The following AOX1 variants were observed in gnomAD, a reference collection of about 807,000 sequenced individuals.
AOX1 encodes the protein aldehyde oxidase 1.
AOX1 carries 153 observed loss-of-function variants against 169.5 expected under a neutral mutation model. The observed-to-expected ratio is 0.90, with a 90% CI of 0.79 to 1.03. The LOEUF is 1.03. Among genes scored for constraint, AOX1 ranks in the 50% least tolerant of loss-of-function variants. The pLI is 0.00. For synonymous variants in AOX1, 562 were observed against 581.9 expected (o/e 0.97, Z 0.49); for missense variants, 1,656 against 1,663.9 (o/e 1.00, Z 0.08).
chr2:200,668,573 G>C, intron 32 of AOX1, 42 bp from the exon 33 acceptor site: 1 of 1,552,780 alleles, frequency 6.4e-7, no homozygotes, highest in Non-Finnish European at 8.8e-7. Flanking sequence ...TGTTGACTGT[G>C]TTTTCTCATA....
At chr2:200,616,702 C>A (rs2034765098) in intron 16 of AOX1, among the ~76,000 whole-genome samples, 1 of 152,162 alleles carries the variant, frequency 6.6e-6, no homozygotes, top group South Asian at 2.1e-4. Context: ...TAAAAATATG[C>A]CTGAAGTCAC....
chr2:200,607,477 G>A (rs540848347), intron 10 of AOX1, among the ~76,000 whole-genome samples: 4 of 152,260 alleles, frequency 2.6e-5, no homozygotes, highest in South Asian at 2.1e-4. Context: ...ATAAATGCTG[G>A]CAAGGCTGTG....
Position 200,660,070 on chromosome 2 carries a change from GTGAGAATCAA to G in AOX1, c.3375+4_3375+13del. ...TCCTAAAGGAACTTGGAAAGACTGG[GTGAGAATCAA>G]TGGTTCTCTGTATTTTATTTTAGAA... On this transcript the variant is annotated splice_donor_variant and splice_donor_5th_base_variant and intron_variant, in intron 29 of 34. Transcript: ENST00000374700. LOFTEE classifies it high-confidence loss of function. The G allele has an allele frequency of 6.2e-7, 1 of 1,612,404 alleles. No individual in the cohort carries two copies. The highest frequency in any genetic ancestry group is 8.5e-7 in the Non-Finnish European group (1 of 1,178,474).
chr2:200,636,942 C>T lies in AOX1; in HGVS notation c.2378C>T (p.Ala793Val). Reference protein sequence around the residue: ...DIVASTLKLPANKVMCHVRRV... With the variant: ...DIVASTLKLPVNKVMCHVRRV... ...GTTGCCTCAACCTTGAAGCTCCCAGCTAACAAGGTCATGTGCCATGTAAGG... is the reference window on the plus strand; with the variant it reads ...GTTGCCTCAACCTTGAAGCTCCCAGTTAACAAGGTCATGTGCCATGTAAGG... The change falls in exon 22 of 35, where the codon GCT becomes GTT. Residue 793 changes from alanine to valine, a missense_variant. Transcript: ENST00000374700. 6.2e-7 allele frequency: 1 copy of T among 1,614,052 alleles called. No homozygotes were observed. The highest frequency in any genetic ancestry group is 8.5e-7 in the Non-Finnish European group (1 of 1,179,956).
At chr2:200,645,696 G>A (rs12617551) in intron 25 of AOX1, among the ~76,000 whole-genome samples, 20,293 of 151,948 alleles carry the variant, frequency 0.13, 1,828 homozygotes, top group East Asian at 0.49. Context: ...AATCCTTCTG[G>A]TCCTGGACTT....
Position 200,671,015 on chromosome 2 carries a change from A to T in AOX1, c.*336A>T, listed in dbSNP as rs2036019046. On this transcript the variant is annotated 3_prime_UTR_variant, in exon 35 of 35. Transcript: ENST00000374700. ...TACTTGGCTTCTATCCACCAACAGA[A>T]ATTATACCATATAGTGAAAGGCAAT... is the stretch of plus-strand genomic sequence containing the variant. The T allele has an allele frequency of 7.7e-6, 2 of 258,780 alleles. No homozygotes were observed. Among genetic ancestry groups the T allele is most frequent in the Non-Finnish European group, 7.4e-6 (1 of 135,866 alleles). 16.0% of individuals were successfully genotyped at this position (258,780 alleles called of 1,614,324 possible). A position where few individuals can be genotyped will look rare whatever the true frequency, so the allele number is the denominator to read the frequency against.
At chr2:200,638,357 C>T in intron 23 of AOX1, 55 bp downstream of exon 23, 1 of 1,500,968 alleles carries the variant, frequency 6.7e-7, no homozygotes, top group Non-Finnish European at 9.3e-7. Context: ...AACATCCTAT[C>T]AGTGCGCAGG....
intron 20 of AOX1, among the ~76,000 whole-genome samples, chr2:200,630,210 T>TAAAAAAAAAAAAAAAAAAAAA (rs57410809): frequency 1.4e-4 from 13 of 95,524 alleles, no homozygotes; most frequent in African/African-American, 5.5e-4. Flanking sequence ...TCCTTCTATT[T>TAAAAAAAAAAAAAAAAAAAAA]AAAAAAAAAA....
chr2:200,638,315 G>A lies in AOX1; in HGVS notation c.2568+13G>A. On this transcript the variant is annotated intron_variant, in intron 23 of 34. Transcript: ENST00000374700. ...TGGAAAGTACAAAGTGAGTACAAGA[G>A]GGCATGGAGGAAGGATTTATGTTGT... 1 of 1,610,716 alleles carries A rather than the reference G, an allele frequency of 6.2e-7. No homozygotes were observed. The highest frequency in any genetic ancestry group is 8.5e-7 in the Non-Finnish European group (1 of 1,177,160).
chr2:200,609,281 T>TACATA, intron 11 of AOX1, 40 bp from the exon 12 acceptor site: 1 of 1,605,896 alleles, frequency 6.2e-7, no homozygotes, highest in Non-Finnish European at 8.5e-7. Context: ...CTTGCTTTTT[T>TACATA]ATGATTACAT....
At chr2:200,603,962 C>G in intron 7 of AOX1, 55 bp from the exon 8 acceptor site, 1 of 1,228,844 alleles carries the variant, frequency 8.1e-7, no homozygotes, top group Non-Finnish European at 1.2e-6. Context: ...CCTTATTCCA[C>G]AAAGGATTTT....
At chr2:200,642,005 T>C (rs1367833317) in intron 24 of AOX1, among the ~76,000 whole-genome samples, 3 of 152,084 alleles carry the variant, frequency 2.0e-5, no homozygotes, top group African/African-American at 7.2e-5. Context: ...GGCACACACC[T>C]GTAATCCCAG....
At chr2:200,649,331 G>C (rs1337030542) in intron 25 of AOX1, among the ~76,000 whole-genome samples, 2 of 152,120 alleles carry the variant, frequency 1.3e-5, no homozygotes, top group African/African-American at 4.8e-5. Context: ...AATTGTCTCA[G>C]CTTCAGGTAA....
At chr2:200,663,440 T>TATCCATTGTGCC (rs1363177739) in intron 31 of AOX1, among the ~76,000 whole-genome samples, 1 of 152,200 alleles carries the variant, frequency 6.6e-6, no homozygotes, top group African/African-American at 2.4e-5. Flanking sequence ...TCCAGTGTGC[T>TATCCATTGTGCC]ATCCATTGTG....
intron 27 of AOX1, among the ~76,000 whole-genome samples, chr2:200,657,190 A>ATATTT: frequency 1.5e-3 from 96 of 62,866 alleles, no homozygotes; most frequent in East Asian, 9.2e-3. Context: ...ATATATATAT[A>ATATTT]TTTTTTTTTT....
intron 23 of AOX1, among the ~76,000 whole-genome samples, chr2:200,638,576 A>G (rs2035288690): frequency 6.6e-6 from 1 of 152,240 alleles, no homozygotes; most frequent in Non-Finnish European, 1.5e-5. Context: ...AGAAAACGTG[A>G]GTGTGTACGC....
intron 28 of AOX1, among the ~76,000 whole-genome samples, chr2:200,659,620 AC>A (rs2105767769): frequency 6.6e-6 from 1 of 152,224 alleles, no homozygotes; most frequent in African/African-American, 2.4e-5. Context: ...CTGTCTCTCC[AC>A]CACAACTTCA....
intron 26 of AOX1, 141 bp from the exon 27 acceptor site, chr2:200,656,701 A>G (rs1283442577): frequency 1.2e-5 from 6 of 484,316 alleles, no homozygotes; most frequent in East Asian, 7.2e-5. Flanking sequence ...CCCCACCCCA[A>G]AAAGAAACCT....
In AOX1 at chr2:200,610,076, C is replaced by CTT. The variant is rs11420110; in HGVS notation, c.1153+674_1153+675dup. 2.5e-3 allele frequency among the ~76,000 whole-genome samples: 362 copies of CTT among 145,722 alleles called. 1 individual carries two copies. Among genetic ancestry groups the CTT allele is most frequent in the Admixed American group, 2.8e-3 (41 of 14,656 alleles). ...CATACCATTTAAACCATAAAACTAT[C>CTT]TTTTTTTTTTTTTGAAATGGAGTCT... On this transcript the variant is annotated intron_variant, in intron 12 of 34. Coordinates refer to ENST00000374700, the MANE Select transcript of AOX1 (RefSeq NM_001159.4).
Sources: allele counts gnomAD v4.1 joint callset (sites outside exome capture counted in the v4.1 genomes callset), GRCh38; gene constraint gnomAD v4.1.1; transcripts MANE v1.5; gene names NCBI Gene and HGNC (gene_info 2026-07-23, HGNC 2026-07-21).